The following LSAMP variants were observed in gnomAD, a reference collection of about 807,000 sequenced individuals.
LSAMP encodes the protein limbic system associated membrane protein.
LSAMP carries 7 observed loss-of-function variants against 38.6 expected under a neutral mutation model. The ratio of observed to expected loss-of-function variants is 0.18; its 90% confidence interval spans 0.10 to 0.34. The LOEUF (loss-of-function observed/expected upper bound fraction) is 0.34, where lower values mean the gene tolerates loss of function less well. Ranked by LOEUF, LSAMP falls within the 10% of genes least tolerant of loss-of-function variation. The pLI, the probability that LSAMP is intolerant of heterozygous loss-of-function variation, is 1.00. For synonymous variants in LSAMP, 154 were observed against 166.8 expected (o/e 0.92, Z 0.59); for missense variants, 313 against 420.0 (o/e 0.75, Z 2.23).
chr3:116,307,915 ACTT>A (rs942448923), intron 1 of LSAMP, among the ~76,000 whole-genome samples: 5 of 151,886 alleles, frequency 3.3e-5, no homozygotes, highest in South Asian at 2.1e-4. Flanking sequence ...TCTAGAATAA[ACTT>A]CTTAACCTCT....
intron 1 of LSAMP, among the ~76,000 whole-genome samples, chr3:116,376,759 A>T (rs2048499139): frequency 6.6e-6 from 1 of 152,082 alleles, no homozygotes; most frequent in Non-Finnish European, 1.5e-5. Flanking sequence ...ATCAATTAGC[A>T]CCTATAAATG....
intron 1 of LSAMP, among the ~76,000 whole-genome samples, chr3:116,352,120 C>T (rs937720796): frequency 6.6e-5 from 10 of 152,152 alleles, no homozygotes; most frequent in Non-Finnish European, 1.3e-4. Context: ...GGTGTTTAAG[C>T]AGAAAGTTCC....
At chr3:116,050,310 C>G (rs1281360350) in intron 2 of LSAMP, among the ~76,000 whole-genome samples, 1 of 152,126 alleles carries the variant, frequency 6.6e-6, no homozygotes, top group Non-Finnish European at 1.5e-5. Context: ...GTGTTAACAG[C>G]TTCCTGATGT....
chr3:116,241,505 T>C (rs1175050718), intron 1 of LSAMP, among the ~76,000 whole-genome samples: 1 of 152,174 alleles, frequency 6.6e-6, no homozygotes, highest in African/African-American at 2.4e-5. Context: ...AGGTGGAAGT[T>C]GCAGTGAGCT....
chr3:116,161,041 G>C (rs1049031440), intron 1 of LSAMP, among the ~76,000 whole-genome samples: 2 of 152,212 alleles, frequency 1.3e-5, no homozygotes, highest in Non-Finnish European at 2.9e-5. Flanking sequence ...TACTTAAAAA[G>C]TAGCTAGTGC....
chr3:116,437,978 A>C (rs931675193), intron 1 of LSAMP, among the ~76,000 whole-genome samples: 23 of 151,964 alleles, frequency 1.5e-4, no homozygotes, highest in African/African-American at 5.6e-4. Flanking sequence ...ACAGTAATTA[A>C]CAAAATCTGA....
intron 1 of LSAMP, among the ~76,000 whole-genome samples, chr3:116,383,931 AT>A (rs1357376593): frequency 6.6e-6 from 1 of 152,146 alleles, no homozygotes; most frequent in Non-Finnish European, 1.5e-5. Flanking sequence ...TAGTTGGCTC[AT>A]TAGTGTATTG....
At chr3:116,438,344 T>C (rs936365568) in intron 1 of LSAMP, among the ~76,000 whole-genome samples, 3 of 152,220 alleles carry the variant, frequency 2.0e-5, no homozygotes, top group Non-Finnish European at 1.5e-5. Flanking sequence ...ACAATATCAT[T>C]TGATCATAAA....
chr3:116,241,673 A>C (rs1437879480), intron 1 of LSAMP, among the ~76,000 whole-genome samples: 2 of 152,196 alleles, frequency 1.3e-5, no homozygotes, highest in Non-Finnish European at 2.9e-5. Flanking sequence ...TATGACACAG[A>C]TCACGCCATT....
chr3:116,364,121 T>C (rs2048325079), intron 1 of LSAMP, among the ~76,000 whole-genome samples: 1 of 48,950 alleles, frequency 2.0e-5, no homozygotes, highest in Non-Finnish European at 3.5e-5. Context: ...CCCCATTGTC[T>C]CAGCCCAAAA....
intron 1 of LSAMP, among the ~76,000 whole-genome samples, chr3:116,280,480 A>C (rs1409303738): frequency 6.6e-6 from 1 of 152,212 alleles, no homozygotes; most frequent in African/African-American, 2.4e-5. Context: ...TCCTTCCCTA[A>C]AGCAGCTTGG....
At chr3:116,312,556 AT>A (rs990117549) in intron 1 of LSAMP, among the ~76,000 whole-genome samples, 29 of 151,330 alleles carry the variant, frequency 1.9e-4, no homozygotes, top group African/African-American at 6.3e-4. Flanking sequence ...TTTCTTTTGT[AT>A]TTTTTTTCTA....
At chr3:116,070,658 A>G (rs1325314820) in intron 2 of LSAMP, among the ~76,000 whole-genome samples, 3 of 152,220 alleles carry the variant, frequency 2.0e-5, no homozygotes, top group African/African-American at 7.2e-5. Context: ...ACAAGGTCCT[A>G]CCCACACAAA....
In LSAMP at chr3:116,371,540, G is replaced by A. The variant is rs148276218; in HGVS notation, c.155+73337C>T. Among the ~76,000 whole-genome samples, 414 of 152,008 alleles carry A rather than the reference G, an allele frequency of 2.7e-3. 1 individual carries two copies. The highest frequency in any genetic ancestry group is 9.4e-3 in the African/African-American group (392 of 41,496). ...AGTAACAGAAGAAAACTACCCCAAC[G>A]TAAGAAAAGCCATATATGAAAAACC... On this transcript the variant is annotated intron_variant, in intron 1 of 6. Coordinates refer to ENST00000490035, the MANE Select transcript of LSAMP (RefSeq NM_002338.5).
intron 1 of LSAMP, chr3:116,370,149 TA>T (rs1386868753): frequency 2.0e-5 from 3 of 152,258 alleles, no homozygotes; most frequent in African/African-American, 7.2e-5. Flanking sequence ...ATTAAGCTTT[TA>T]AAAATTCTAT....
chr3:116,110,301 G>A (rs1233023075), intron 1 of LSAMP, among the ~76,000 whole-genome samples: 2 of 152,034 alleles, frequency 1.3e-5, no homozygotes, highest in African/African-American at 2.4e-5. Context: ...GACAAGGAGA[G>A]AAGGGGTTGG....
At chr3:116,164,377 T>G (rs9812548) in intron 1 of LSAMP, among the ~76,000 whole-genome samples, 19,138 of 150,940 alleles carry the variant, frequency 0.13, 1,276 homozygotes, top group Non-Finnish European at 0.14. Context: ...TGCCAAATAC[T>G]AAATAAAATG....
intron 2 of LSAMP, among the ~76,000 whole-genome samples, chr3:116,046,190 T>A (rs1941284422): frequency 6.6e-6 from 1 of 152,214 alleles, no homozygotes; most frequent in Non-Finnish European, 1.5e-5. Context: ...AGCTGTACTT[T>A]GAAGCTGACA....
In LSAMP at chr3:116,420,589, G is replaced by A. The variant is rs146938656; in HGVS notation, c.155+24288C>T. ...CAATTAAAAATAAATAAATTGGGCCGGGCGCGGTGGCTCCAGACTGTAATC... is the reference window on the plus strand; with the variant it reads ...CAATTAAAAATAAATAAATTGGGCCAGGCGCGGTGGCTCCAGACTGTAATC... On this transcript the variant is annotated intron_variant, in intron 1 of 6. Transcript: ENST00000490035. 6.6e-3 allele frequency among the ~76,000 whole-genome samples: 1,008 copies of A among 152,066 alleles called. 14 individuals are homozygous for A. Among genetic ancestry groups the A allele is most frequent in the African/African-American group, 0.022 (923 of 41,466 alleles).
Sources: gnomAD v4.1 joint callset for allele counts (sites outside exome capture counted in the v4.1 genomes callset) on GRCh38, gnomAD v4.1.1 for gene constraint, MANE v1.5 for transcripts, NCBI Gene and HGNC (gene_info 2026-07-23, HGNC 2026-07-21) for gene names.